Variants in GRB10 observed in about 807,000 individuals in gnomAD.
GRB10 encodes the protein growth factor receptor bound protein 10, also known as growth factor receptor-bound protein 10.
Under a neutral mutation model 80.9 loss-of-function variants are expected in GRB10, and 20 were observed. That is an observed-to-expected ratio of 0.25 (90% CI 0.17 to 0.36). GRB10 has a LOEUF of 0.36. Ranked by LOEUF, GRB10 falls within the 10% of genes least tolerant of loss-of-function variation. The probability of loss-of-function intolerance (pLI) is 1.00; values close to 1 mark genes in which losing one functional copy is unlikely to be tolerated. For synonymous variants in GRB10, 291 were observed against 291.5 expected (o/e 1.00, Z 0.02); for missense variants, 548 against 747.7 (o/e 0.73, Z 3.12).
At chr7:50,628,782 T>C (rs2053476577) in intron 7 of GRB10, among the ~76,000 whole-genome samples, 1 of 152,168 alleles carries the variant, frequency 6.6e-6, no homozygotes, top group Admixed American at 6.5e-5. Context: ...TGTTTTCAAC[T>C]CTTATTTATT....
chr7:50,746,150 C>T (rs1042166291), intron 3 of GRB10, among the ~76,000 whole-genome samples: 32 of 152,290 alleles, frequency 2.1e-4, no homozygotes, highest in African/African-American at 6.7e-4. Flanking sequence ...AATGGTTCAA[C>T]TCAGGATTTT....
Position 50,624,020 on chromosome 7 carries a change from T to C in GRB10, c.661+2802A>G, listed in dbSNP as rs1286252912. Among the ~76,000 whole-genome samples the C allele has an allele frequency of 2.6e-5, 4 of 152,218 alleles. No homozygotes were observed. The South Asian group carries it at 6.2e-4, about 24-fold the overall frequency. On this transcript the variant is annotated intron_variant, in intron 8 of 18. Coordinates refer to ENST00000401949, the MANE Select transcript of GRB10 (RefSeq NM_001350814.2). ...AATCAGTAATAATGTACTTTGTACT[T>C]TGGAATCTTCAATTCTGGAGGCCCT...
rs1205952141 is a variant in GRB10 at position 50,604,005 on chromosome 7, C to T, written c.1537G>A (p.Val513Met). ...TCAGTGGTGGTTCCTTACCCATCCA[C>T]GAGCCCTTGCTGTTTAATGATCCTG... is the stretch of plus-strand genomic sequence containing the variant. ...SHRIIKQQGL[V>M]DGLFLLRDSQ... is the part of the protein sequence containing the mutation. The change falls in exon 17 of 19, where the codon GTG becomes ATG. Residue 513 changes from valine (V) to methionine (M), a missense_variant. By Grantham distance (21) the Val-to-Met change is conservative. Coordinates refer to ENST00000401949, the MANE Select transcript of GRB10 (RefSeq NM_001350814.2). 2.5e-6 allele frequency: 4 copies of T among 1,611,956 alleles called. No individual in the cohort carries two copies. The highest frequency in any genetic ancestry group is 2.2e-5 in the East Asian group (1 of 44,872).
At chr7:50,776,140 C>A (rs1019415229) in intron 2 of GRB10, among the ~76,000 whole-genome samples, 2 of 152,212 alleles carry the variant, frequency 1.3e-5, no homozygotes, top group Non-Finnish European at 2.9e-5. Context: ...CACTTGGCCA[C>A]ACCCTTAGTG....
intron 3 of GRB10, among the ~76,000 whole-genome samples, chr7:50,754,405 C>T (rs1432609634): frequency 6.6e-6 from 1 of 152,160 alleles, no homozygotes; most frequent in Non-Finnish European, 1.5e-5. Flanking sequence ...ACAGCACAGC[C>T]CACTTCCCTG....
chr7:50,614,634 G>A (rs760753662), intron 12 of GRB10, 136 bp downstream of exon 12: 2 of 755,264 alleles, frequency 2.6e-6, no homozygotes, highest in Non-Finnish European at 4.8e-6. Context: ...GTTTTTACAG[G>A]AATGGATAAA....
chr7:50,660,980 C>T (rs926979317), intron 7 of GRB10, among the ~76,000 whole-genome samples: 2 of 152,174 alleles, frequency 1.3e-5, no homozygotes, highest in Admixed American at 6.5e-5. Context: ...AAAGGTGACA[C>T]GGGCAGACTG....
At chr7:50,638,468 C>T (rs1208649164) in intron 7 of GRB10, among the ~76,000 whole-genome samples, 2 of 152,144 alleles carry the variant, frequency 1.3e-5, no homozygotes, top group Non-Finnish European at 2.9e-5. Flanking sequence ...GACATACAAG[C>T]GGCCAATAAA....
intron 3 of GRB10, among the ~76,000 whole-genome samples, chr7:50,752,092 CA>C (rs1258598160): frequency 6.6e-6 from 1 of 152,152 alleles, no homozygotes; most frequent in Non-Finnish European, 1.5e-5. Flanking sequence ...GAAGCTCATA[CA>C]AAACCACAGA....
chr7:50,712,657 T>C (rs2066080547), intron 4 of GRB10, among the ~76,000 whole-genome samples: 1 of 152,214 alleles, frequency 6.6e-6, no homozygotes, highest in African/African-American at 2.4e-5. Flanking sequence ...CAGGCACTTA[T>C]TTCCACATAA....
intron 17 of GRB10, among the ~76,000 whole-genome samples, chr7:50,599,872 A>G (rs1440415778): frequency 6.6e-6 from 1 of 152,204 alleles, no homozygotes; most frequent in Admixed American, 6.5e-5. Flanking sequence ...CTTTCAATCC[A>G]AAGTGGACAG....
chr7:50,667,660 C>CA (rs2059945814), intron 7 of GRB10, among the ~76,000 whole-genome samples: 1 of 146,664 alleles, frequency 6.8e-6, no homozygotes, highest in African/African-American at 2.6e-5. Context: ...TCAAGCAAGT[C>CA]GGGAAAAAAA....
At chr7:50,724,771 A>G (rs1199112720) in intron 4 of GRB10, among the ~76,000 whole-genome samples, 2 of 152,148 alleles carry the variant, frequency 1.3e-5, no homozygotes, top group African/African-American at 4.8e-5. Context: ...GACGGAAGTG[A>G]TTTGCTCTGC....
rs1265204749 is a variant in GRB10, at chr7:50,614,891, A to G, written c.985-11T>C. Reference sequence around the variant, plus strand: ...CAGGTGTCTGGGTTCCTGTGACAACACTGGCCAGGTTAAAGTCTCAAGCAC... The same window carrying G: ...CAGGTGTCTGGGTTCCTGTGACAACGCTGGCCAGGTTAAAGTCTCAAGCAC... On this transcript the variant is annotated splice_polypyrimidine_tract_variant and intron_variant, in intron 11 of 18. Coordinates refer to ENST00000401949, the MANE Select transcript of GRB10 (RefSeq NM_001350814.2). 6.4e-7 allele frequency: 1 copy of G among 1,573,476 alleles called. No individual in the cohort carries two copies. Among genetic ancestry groups the G allele is most frequent in the Admixed American group, 1.7e-5 (1 of 59,982 alleles).
intron 2 of GRB10, among the ~76,000 whole-genome samples, chr7:50,767,760 C>T (rs941262413): frequency 2.6e-5 from 4 of 152,172 alleles, no homozygotes; most frequent in African/African-American, 4.8e-5. Context: ...CCACTAGGCC[C>T]GCCATGTTGG....
At chr7:50,648,572 C>G (rs2057567725) in intron 7 of GRB10, among the ~76,000 whole-genome samples, 1 of 152,104 alleles carries the variant, frequency 6.6e-6, no homozygotes, top group Non-Finnish European at 1.5e-5. Flanking sequence ...GAATCCTTAT[C>G]CCAAGTCCTC....
rs557795692 is a variant in GRB10, at chr7:50,672,101, G to A, written c.363-2238C>T. 3.9e-5 allele frequency among the ~76,000 whole-genome samples: 6 copies of A among 152,264 alleles called. No homozygotes were observed. In the South Asian group the frequency reaches 1.0e-3, roughly 26 times the overall value. ...TCTGTACAGAATCGGCTCACCCATC[G>A]GCTTTCCTATGTGCAAAGCCTTCTT... is the stretch of plus-strand genomic sequence containing the variant. On this transcript the variant is annotated intron_variant, in intron 6 of 18. Coordinates refer to ENST00000401949, the MANE Select transcript of GRB10 (RefSeq NM_001350814.2).
In GRB10 at chr7:50,653,912, C is replaced by A. The variant is rs550904284; in HGVS notation, c.504+15810G>T. 2.6e-5 allele frequency among the ~76,000 whole-genome samples: 4 copies of A among 152,320 alleles called. No homozygotes were observed. In the South Asian group the frequency reaches 8.3e-4, roughly 32 times the overall value. ...CTTGAACTGTAAGTGATTACAGACA[C>A]TAATATAAATCCAGCTAGAAGTGTA... On this transcript the variant is annotated intron_variant, in intron 7 of 18. Transcript: ENST00000401949.
intron 4 of GRB10, among the ~76,000 whole-genome samples, chr7:50,706,336 CATAA>C (rs2065032782): frequency 6.6e-6 from 1 of 152,224 alleles, no homozygotes; most frequent in Non-Finnish European, 1.5e-5. Flanking sequence ...TTTCAGACAG[CATAA>C]ATAATGATCA....
Sources: gnomAD v4.1 joint callset for allele counts (sites outside exome capture counted in the v4.1 genomes callset) on GRCh38, gnomAD v4.1.1 for gene constraint, MANE v1.5 for transcripts, NCBI Gene and HGNC (gene_info 2026-07-23, HGNC 2026-07-21) for gene names.